The following ZNF536 variants were observed in gnomAD, a reference collection of about 807,000 sequenced individuals.
ZNF536 encodes the protein zinc finger protein 536.
ZNF536 carries 13 observed loss-of-function variants against 84.5 expected under a neutral mutation model. The observed-to-expected ratio is 0.15, with a 90% confidence interval of 0.10 to 0.24. ZNF536 has a LOEUF of 0.24. Among genes scored for constraint, ZNF536 ranks in the 10% least tolerant of loss-of-function variants. The pLI is 1.00. For synonymous variants in ZNF536, 811 were observed against 742.5 expected, an observed-to-expected ratio of 1.09 and a Z score of -1.50; for missense variants, 1,536 against 1,747.5, an observed-to-expected ratio of 0.88 and a Z score of 2.16.
chr19:30,435,276 CGGTGATGATAAT>C (rs2051683713), intron 1 of ZNF536, among the ~76,000 whole-genome samples: 1 of 86,882 alleles, frequency 1.2e-5, no homozygotes, highest in East Asian at 4.1e-4. Context: ...GTGATGATGA[CGGTGATGATAAT>C]GGTGATGGTG....
intron 2 of ZNF536, among the ~76,000 whole-genome samples, chr19:30,326,144 G>C (rs1230242750): frequency 6.6e-6 from 1 of 152,206 alleles, no homozygotes; most frequent in African/African-American, 2.4e-5. Flanking sequence ...CCCTTGCTGT[G>C]CTCCAGGCAA....
intron 1 of ZNF536, among the ~76,000 whole-genome samples, chr19:30,244,787 C>G (rs543405629): frequency 9.2e-5 from 14 of 152,302 alleles, no homozygotes; most frequent in African/African-American, 3.1e-4. Flanking sequence ...TGTGACCCAC[C>G]TGAGGAGTTG....
rs375973209 is a variant in ZNF536 at position 30,534,879 on chromosome 19, G to A, written c.2203G>A (p.Val735Ile). The A allele has an allele frequency of 8.1e-5, 131 of 1,613,438 alleles. No homozygotes were observed. The highest frequency in any genetic ancestry group is 3.9e-4 in the African/African-American group (29 of 74,938). ...IGEEAGRSAG[V>I]QQPALLRDRS... Reference sequence around the variant, plus strand: ...CGAGGAGGCTGGGAGATCTGCCGGCGTCCAGCAACCAGCGCTGCTTCGCGA... The same window carrying A: ...CGAGGAGGCTGGGAGATCTGCCGGCATCCAGCAACCAGCGCTGCTTCGCGA... Residue 735 changes from valine to isoleucine, a missense_variant, in exon 3 of 5, where the codon GTC (valine) becomes ATC (isoleucine). Physicochemically the swap from Val to Ile is conservative, Grantham distance 29. Around this residue, in one of 8 missense-constraint regions of ZNF536, gnomAD observed 148 missense variants for 205.4 expected, o/e 0.72. Transcript: ENST00000355537.
Position 30,284,398 on chromosome 19 carries a change from G to T in ZNF536, c.-120+257G>T, listed in dbSNP as rs115295426. Among the ~76,000 whole-genome samples, 3 of 152,176 alleles carry T rather than the reference G, an allele frequency of 2.0e-5. 1 individual carries two copies. Among genetic ancestry groups the T allele is most frequent in the Non-Finnish European group, 4.4e-5 (3 of 68,036 alleles). On this transcript the variant is annotated intron_variant, in intron 2 of 5. Coordinates refer to the ZNF536 transcript ENST00000585628. ...CAAGGGTGACTTCTTTCTCTCTTGCGTGACACCCTGAGTCCCTATCTGCCA... is the reference window on the plus strand; with the variant it reads ...CAAGGGTGACTTCTTTCTCTCTTGCTTGACACCCTGAGTCCCTATCTGCCA...
intron 1 of ZNF536, among the ~76,000 whole-genome samples, chr19:30,243,130 G>A (rs2024050683): frequency 6.6e-6 from 1 of 151,940 alleles, no homozygotes; most frequent in African/African-American, 2.4e-5. Context: ...AATCTATGAT[G>A]AGTTAAAGGA....
At position 30,456,062 on chromosome 19, in the gene ZNF536, T is replaced by C. The variant is rs145651845; in HGVS notation, c.2170+10330T>C. On this transcript the variant is annotated intron_variant, in intron 2 of 4. Transcript: ENST00000355537. Reference sequence around the variant, plus strand: ...CTCAATTCTTTCATAAATAAGAGTGTGATGGTATTTCAATAAAACTTTATT... The same window carrying C: ...CTCAATTCTTTCATAAATAAGAGTGCGATGGTATTTCAATAAAACTTTATT... Among the ~76,000 whole-genome samples the C allele has an allele frequency of 1.1e-3, 171 of 152,316 alleles. No individual in the cohort carries two copies. In the East Asian group the frequency reaches 0.023, roughly 21 times the overall value.
chr19:30,679,624 G>A (rs2050888780), intron 1 of ZNF536, among the ~76,000 whole-genome samples: 1 of 152,168 alleles, frequency 6.6e-6, no homozygotes, highest in African/African-American at 2.4e-5. Flanking sequence ...GCAGGGAAGG[G>A]CCAGATCCTA....
At chr19:30,620,757 GAC>G (rs750466924) in intron 1 of ZNF536, among the ~76,000 whole-genome samples, 1 of 152,108 alleles carries the variant, frequency 6.6e-6, no homozygotes, top group East Asian at 1.9e-4. Context: ...CCTTTTGAAT[GAC>G]ACACGAAATG....
downstream of ZNF536, among the ~76,000 whole-genome samples, chr19:30,562,207 C>A (rs1293512056): frequency 3.3e-5 from 5 of 152,186 alleles, no homozygotes; most frequent in African/African-American, 7.2e-5. Flanking sequence ...CTCCACCACC[C>A]TTTTCCAGTC....
At chr19:30,677,257 G>A (rs963312782) in intron 1 of ZNF536, among the ~76,000 whole-genome samples, 3 of 152,188 alleles carry the variant, frequency 2.0e-5, no homozygotes, top group African/African-American at 7.2e-5. Context: ...GCCTCTGATG[G>A]TTTTCTTGGT....
chr19:30,497,124 G>A (rs1019988316), intron 2 of ZNF536, among the ~76,000 whole-genome samples: 5 of 152,324 alleles, frequency 3.3e-5, no homozygotes, highest in African/African-American at 1.2e-4. Context: ...CACATACCGA[G>A]AGACACTGGC....
At chr19:30,621,769 C>T (rs1204171273) in intron 1 of ZNF536, among the ~76,000 whole-genome samples, 1 of 152,240 alleles carries the variant, frequency 6.6e-6, no homozygotes, top group East Asian at 1.9e-4. Flanking sequence ...GGACATAGCC[C>T]ACTGGGATTC....
At chr19:30,320,447 C>G (rs2046816715) in intron 2 of ZNF536, among the ~76,000 whole-genome samples, 1 of 152,176 alleles carries the variant, frequency 6.6e-6, no homozygotes, top group Admixed American at 6.5e-5. Context: ...ATGTAACGCA[C>G]TTTCTTTGAG....
At chr19:30,375,793 G>A (rs1455217441) in intron 1 of ZNF536, among the ~76,000 whole-genome samples, 1 of 152,242 alleles carries the variant, frequency 6.6e-6, no homozygotes, top group Admixed American at 6.5e-5. Flanking sequence ...CCGTATTTGA[G>A]TGCTTACAGG....
chr19:30,599,485 T>TTTCCTTCCTTCCCA (rs2047605105), intron 1 of ZNF536, among the ~76,000 whole-genome samples: 1 of 114,676 alleles, frequency 8.7e-6, no homozygotes, highest in African/African-American at 3.4e-5. Flanking sequence ...CTTCCTTCCC[T>TTTCCTTCCTTCCCA]CCTTCCTTCC....
chr19:30,565,458 C>T (rs1190127774), intron 1 of ZNF536, among the ~76,000 whole-genome samples: 1 of 152,214 alleles, frequency 6.6e-6, no homozygotes, highest in African/African-American at 2.4e-5. Context: ...CACTTCTGGA[C>T]CCCAGCCACT....
intron 1 of ZNF536, among the ~76,000 whole-genome samples, chr19:30,609,414 A>G (rs1459440012): frequency 5.3e-5 from 8 of 152,232 alleles, no homozygotes; most frequent in Non-Finnish European, 1.0e-4. Flanking sequence ...TTGTAGAGCT[A>G]AATTCTACCC....
chr19:30,468,536 T>A (rs1036633402), intron 2 of ZNF536, among the ~76,000 whole-genome samples: 6 of 152,066 alleles, frequency 3.9e-5, no homozygotes, highest in African/African-American at 1.4e-4. Flanking sequence ...GGGTCTGCAT[T>A]GAGCTGGGAA....
chr19:30,460,973 T>G (rs923166905), intron 2 of ZNF536, among the ~76,000 whole-genome samples: 8 of 152,078 alleles, frequency 5.3e-5, no homozygotes, highest in Non-Finnish European at 1.2e-4. Context: ...CCCCCAAACC[T>G]ACATTTGTCC....
Sources: allele counts gnomAD v4.1 joint callset (sites outside exome capture counted in the v4.1 genomes callset), GRCh38; gene constraint gnomAD v4.1.1; regional missense constraint gnomAD v4.1.1; transcripts MANE v1.5; gene names NCBI Gene and HGNC (gene_info 2026-07-23, HGNC 2026-07-21).